The following ILK variants were observed in gnomAD, a reference collection of about 807,000 sequenced individuals.
The protein encoded by ILK is scaffold protein ILK.
Under a neutral mutation model 57.8 loss-of-function variants are expected in ILK, and 37 were observed. The observed-to-expected ratio is 0.64, with a 90% CI of 0.49 to 0.84. The LOEUF is 0.84. ILK is among the 40% of genes least tolerant of loss of function. The probability of loss-of-function intolerance (pLI) is 0.00; values close to 1 mark genes in which losing one functional copy is unlikely to be tolerated. For synonymous variants in ILK, 231 were observed against 202.2 expected, an observed-to-expected ratio of 1.14 and a Z score of -1.21; for missense variants, 528 against 595.7, an observed-to-expected ratio of 0.89 and a Z score of 1.18.
Position 6,609,379 on chromosome 11 carries a change from G to A in ILK, c.699G>A (p.Arg233=). The A allele has an allele frequency of 1.2e-6, 2 of 1,614,054 alleles. No individual in the cohort carries two copies. The highest frequency in any genetic ancestry group is 1.7e-5 in the Admixed American group (1 of 60,020). ...KVRDWSTRKS[R]DFNEECPRLR... Reference sequence around the variant, plus strand: ...GAGACTGGAGTACAAGGAAGAGCAGGGACTTCAATGAAGAGTGTCCCCGGC... The same window carrying A: ...GAGACTGGAGTACAAGGAAGAGCAGAGACTTCAATGAAGAGTGTCCCCGGC... Residue 233 remains arginine (R), a synonymous_variant, in exon 8 of 13, where the codon AGG becomes AGA. Transcript: ENST00000299421.
At chr11:6,607,240 C>T (rs563939266) in intron 2 of ILK, 3 of 152,348 alleles carry the variant, frequency 2.0e-5, no homozygotes, top group South Asian at 4.1e-4. Flanking sequence ...AGCTCCAAAC[C>T]AATTGTTTTG....
chr11:6,604,418 G>C, intron 2 of ILK, 58 bp downstream of exon 2: 1 of 1,457,296 alleles, frequency 6.9e-7, no homozygotes, highest in Non-Finnish European at 9.4e-7. Context: ...GCTACGTGGA[G>C]TGGAGTGCTC....
In ILK at chr11:6,608,335, T is replaced by C. The variant is rs751574642; in HGVS notation, c.256-59T>C. ...CTTTTCCCATGCCCTGACACCAGTA[T>C]CTCATTTGGAACTGACTGTACTTTC... On this transcript the variant is annotated intron_variant, in intron 3 of 12. Coordinates refer to ENST00000299421, the MANE Select transcript of ILK (RefSeq NM_004517.4). The surrounding 1 kb of genome is among the most constrained non-coding windows in gnomAD (Gnocchi z 4.9). 100 of 1,577,610 alleles carry C rather than the reference T, an allele frequency of 6.3e-5. 1 individual carries two copies. Among genetic ancestry groups the C allele is most frequent in the Non-Finnish European group, 8.4e-5 (96 of 1,146,956 alleles).
chr11:6,610,347 C>T, intron 12 of ILK, 69 bp downstream of exon 12: 1 of 1,612,958 alleles, frequency 6.2e-7, no homozygotes, highest in Non-Finnish European at 8.5e-7. Flanking sequence ...CTGTAGTGGG[C>T]CTTGGCTCCT....
At chr11:6,604,027 G>C (rs2134513537) in intron 1 of ILK, 153 bp from the exon 2 acceptor site, 1 of 594,372 alleles carries the variant, frequency 1.7e-6, no homozygotes, top group Non-Finnish European at 3.0e-6. Context: ...CTACCTCTTC[G>C]TCACCCCCTG....
Position 6,605,620 on chromosome 11 carries a change from G to A in ILK, c.89+1260G>A, listed in dbSNP as rs577719674. ...CATTTCATCACCCAGGTATTAAGCC[G>A]TGGCACCCATTAGTTATTTTTCCTG... On this transcript the variant is annotated intron_variant, in intron 2 of 12. Coordinates refer to ENST00000299421, the MANE Select transcript of ILK (RefSeq NM_004517.4). 4.7e-5 allele frequency among the ~76,000 whole-genome samples: 7 copies of A among 149,624 alleles called. No homozygotes were observed. In the East Asian group the frequency reaches 5.9e-4, roughly 13 times the overall value.
chr11:6,604,354 A>G lies in ILK; in HGVS notation c.83A>G (p.Asn28Ser), dbSNP rs1489118962. Residue 28 changes from asparagine (N) to serine (S), a missense_variant, in exon 2 of 13, where the codon AAC (asparagine) becomes AGC (serine). Asn to Ser is a conservative substitution (Grantham distance 46). Transcript: ENST00000299421. ...LWLDNTENDL[N>S]QGDDHGFSPL... ...CTGGACAACACGGAGAACGACCTCA[A>G]CCAGGGGTGAGCTGAAACGGTTGGT... is the stretch of plus-strand genomic sequence containing the variant. 6.2e-6 allele frequency: 10 copies of G among 1,607,686 alleles called. No individual in the cohort carries two copies. The highest frequency in any genetic ancestry group is 1.1e-5 in the South Asian group (1 of 89,834).
Position 6,608,685 on chromosome 11 carries a change from T to G in ILK, c.352-9T>G, listed in dbSNP as rs372657109. 28 of 1,612,060 alleles carry G rather than the reference T, an allele frequency of 1.7e-5. No individual in the cohort carries two copies. The highest frequency in any genetic ancestry group is 2.4e-5 in the Non-Finnish European group (28 of 1,178,164). ...AGTGGCTCTCATCATAATGGCCTTT[T>G]CATTCCAGGACCTGGTGGCAAATGG... On this transcript the variant is annotated splice_polypyrimidine_tract_variant and intron_variant, in intron 4 of 12. Coordinates refer to ENST00000299421, the MANE Select transcript of ILK (RefSeq NM_004517.4). The surrounding 1 kb of genome is among the most constrained non-coding windows in gnomAD (Gnocchi z 4.9).
intron 2 of ILK, among the ~76,000 whole-genome samples, chr11:6,605,832 A>G (rs1361320584): frequency 6.6e-6 from 1 of 152,196 alleles, no homozygotes; most frequent in African/African-American, 2.4e-5. Flanking sequence ...TGGGTGCTAG[A>G]GTCCAGAATC....
At chr11:6,603,878 G>A (rs1052457113) in intron 1 of ILK, 56 bp downstream of exon 1, 1 of 390,280 alleles carries the variant, frequency 2.6e-6, no homozygotes, top group Non-Finnish European at 4.7e-6. Flanking sequence ...TGAGTCCCAA[G>A]TAAGGAACGG....
chr11:6,604,409 C>A, intron 2 of ILK, 49 bp downstream of exon 2: 1 of 1,499,738 alleles, frequency 6.7e-7, no homozygotes, highest in Non-Finnish European at 9.1e-7. Context: ...GATCTCCTGG[C>A]TACGTGGAGT....
In ILK at chr11:6,610,115, G is replaced by A. The variant is rs756195303; in HGVS notation, c.1079-33G>A. On this transcript the variant is annotated intron_variant, in intron 11 of 12. Transcript: ENST00000299421. ...AAGGGGGCAGAGACAGGACAGGCAA[G>A]GGGGCCAGAACAGACAAGCCCTATC... The A allele has an allele frequency of 6.2e-6, 10 of 1,614,180 alleles. No homozygotes were observed. In the South Asian group the frequency reaches 1.1e-4, roughly 18 times the overall value.
At chr11:6,607,573 TCTC>T (rs1855051619) in intron 2 of ILK, 1 of 182,274 alleles carries the variant, frequency 5.5e-6, no homozygotes, top group African/African-American at 2.4e-5. Context: ...AAGACACCCT[TCTC>T]CCCCACTAAC....
In ILK at chr11:6,608,228, T is replaced by G. The variant is rs746328572; in HGVS notation, c.255+17T>G. 6.2e-6 allele frequency: 10 copies of G among 1,614,038 alleles called. No individual in the cohort carries two copies. The highest frequency in any genetic ancestry group is 4.4e-5 in the South Asian group (4 of 91,076). ...GTACAGAAGGTACGTACAAACTCCTTCGTCATCCACATCACATACATGCCA... is the reference window on the plus strand; with the variant it reads ...GTACAGAAGGTACGTACAAACTCCTGCGTCATCCACATCACATACATGCCA... On this transcript the variant is annotated intron_variant, in intron 3 of 12. Transcript: ENST00000299421. This position sits in a 1 kb window ranked among gnomAD's most constrained non-coding sequence, Gnocchi z 4.9.
chr11:6,604,023 C>T (rs1854566413), intron 1 of ILK, 157 bp from the exon 2 acceptor site: 5 of 593,902 alleles, frequency 8.4e-6, no homozygotes, highest in Admixed American at 5.7e-5. Flanking sequence ...GACACTACCT[C>T]TTCGTCACCC....
intron 2 of ILK, chr11:6,604,714 A>G (rs1195185162): frequency 6.5e-6 from 3 of 463,484 alleles, no homozygotes; most frequent in South Asian, 3.7e-5. Flanking sequence ...ACAAGAGGAA[A>G]AGAACAGGAC....
intron 2 of ILK, chr11:6,607,261 A>G (rs1259109982): frequency 6.6e-6 from 1 of 152,196 alleles, no homozygotes; most frequent in Non-Finnish European, 1.5e-5. Flanking sequence ...TTTTGTTTGT[A>G]TACTTTACTT....
In ILK at chr11:6,609,140, A is replaced by C; in HGVS notation, c.602A>C (p.Glu201Ala). 1.9e-6 allele frequency: 3 copies of C among 1,614,098 alleles called. No homozygotes were observed. The highest frequency in any genetic ancestry group is 2.5e-6 in the Non-Finnish European group (3 of 1,179,912). Residue 201 changes from glutamate (E) to alanine (A), a missense_variant, in exon 7 of 13, where the codon GAG becomes GCG. Glu to Ala is a moderately radical substitution (Grantham distance 107). Coordinates refer to ENST00000299421, the MANE Select transcript of ILK (RefSeq NM_004517.4). ...KQLNFLTKLN[E>A]NHSGELWKGR... Reference sequence around the variant, plus strand: ...CTTAACTTCCTGACGAAGCTCAACGAGAATCACTCTGGAGAGGTGACCCCT... The same window carrying C: ...CTTAACTTCCTGACGAAGCTCAACGCGAATCACTCTGGAGAGGTGACCCCT...
At position 6,608,347 on chromosome 11, in the gene ILK, C is replaced by T. The variant is rs1178835720; in HGVS notation, c.256-47C>T. On this transcript the variant is annotated intron_variant, in intron 3 of 12. Transcript: ENST00000299421. This position sits in a 1 kb window ranked among gnomAD's most constrained non-coding sequence, Gnocchi z 4.9. ...CCTGACACCAGTATCTCATTTGGAA[C>T]TGACTGTACTTTCTGCCTCTTCTTT... The T allele has an allele frequency of 6.3e-7, 1 of 1,588,612 alleles. No individual in the cohort carries two copies.
Sources: gnomAD v4.1 joint callset for allele counts (sites outside exome capture counted in the v4.1 genomes callset) on GRCh38, gnomAD v4.1.1 for gene constraint, Gnocchi (gnomAD v3.1) non-coding constraint, MANE v1.5 for transcripts, NCBI Gene and HGNC (gene_info 2026-07-23, HGNC 2026-07-21) for gene names.